The following PLXNA4 variants were observed in gnomAD, a reference collection of about 807,000 sequenced individuals.
PLXNA4 encodes the protein plexin A4, also known as plexin-A4.
PLXNA4 carries 44 observed loss-of-function variants against 191.8 expected under a neutral mutation model. That is an observed-to-expected ratio of 0.23 (90% CI 0.18 to 0.29). PLXNA4 has a LOEUF of 0.29. Ranked by LOEUF, PLXNA4 falls within the 10% of genes least tolerant of loss-of-function variation. The pLI, the probability that PLXNA4 is intolerant of heterozygous loss-of-function variation, is 1.00. For missense variants in PLXNA4, 1,800 were observed against 2,488.8 expected, an observed-to-expected ratio of 0.72 and a Z score of 5.89; for synonymous variants, 1,082 against 1,009.5, an observed-to-expected ratio of 1.07 and a Z score of -1.36.
chr7:132,590,016 G>A (rs570779329), intron 2 of PLXNA4, among the ~76,000 whole-genome samples: 58 of 152,364 alleles, frequency 3.8e-4, no homozygotes, highest in Non-Finnish European at 7.8e-4. Context: ...AAAGAACCAT[G>A]AAAGGGTCAA....
At chr7:132,191,744 C>G (rs1797093325) in intron 14 of PLXNA4, among the ~76,000 whole-genome samples, 1 of 146,398 alleles carries the variant, frequency 6.8e-6, no homozygotes, top group Admixed American at 6.8e-5. Flanking sequence ...TTAGCAAATA[C>G]CTGGCGAATG....
At chr7:132,614,451 A>G (rs1185003131) in intron 2 of PLXNA4, among the ~76,000 whole-genome samples, 2 of 152,258 alleles carry the variant, frequency 1.3e-5, no homozygotes, top group African/African-American at 4.8e-5. Context: ...TGCAGCAGAC[A>G]GCGGGTGAAC....
intron 29 of PLXNA4, 36 bp from the exon 30 acceptor site, chr7:132,140,847 C>CGGGGCAGT: frequency 6.2e-7 from 1 of 1,610,622 alleles, no homozygotes. Context: ...TCAGGAAAGA[C>CGGGGCAGT]GGGGCAGTGG....
chr7:132,389,988 C>A (rs1197954241), intron 3 of PLXNA4, among the ~76,000 whole-genome samples: 1 of 152,100 alleles, frequency 6.6e-6, no homozygotes, highest in Non-Finnish European at 1.5e-5. Flanking sequence ...ATTAGTTCAA[C>A]CATTGTGAAA....
At chr7:132,138,850 G>A (rs1390343187) in intron 30 of PLXNA4, among the ~76,000 whole-genome samples, 10 of 152,346 alleles carry the variant, frequency 6.6e-5, no homozygotes, top group African/African-American at 2.4e-4. Flanking sequence ...CTGTTCCTGG[G>A]AAGTGTCCTT....
chr7:132,410,973 G>C lies in PLXNA4; in HGVS notation c.1371+78319C>G, dbSNP rs574441641. Among the ~76,000 whole-genome samples the C allele has an allele frequency of 2.2e-4, 34 of 152,270 alleles. No homozygotes were observed. The South Asian group carries it at 6.8e-3, about 31-fold the overall frequency. Reference sequence around the variant, plus strand: ...TCCTCAGTAGCATCTTTTAGAAAAAGTTCTGGTGCTTTGGCCATCATCCCG... The same window carrying C: ...TCCTCAGTAGCATCTTTTAGAAAAACTTCTGGTGCTTTGGCCATCATCCCG... On this transcript the variant is annotated intron_variant, in intron 3 of 31. Transcript: ENST00000321063.
intron 3 of PLXNA4, among the ~76,000 whole-genome samples, chr7:132,321,264 T>C (rs1277063361): frequency 6.6e-6 from 1 of 152,164 alleles, no homozygotes. Flanking sequence ...CAAACTGTTA[T>C]TTTTCTGTCT....
rs1340160897 is a variant in PLXNA4, at chr7:132,497,808, A to G, written c.1189-8334T>C. 3.9e-5 allele frequency among the ~76,000 whole-genome samples: 6 copies of G among 152,260 alleles called. No individual in the cohort carries two copies. The East Asian group carries it at 1.2e-3, about 29-fold the overall frequency. ...CCTGGTTGTGAGCACAGGCCATGGA[A>G]ACAATGCTGGAGTGAGGGCTCATAC... On this transcript the variant is annotated intron_variant, in intron 2 of 31. Coordinates refer to ENST00000321063, the MANE Select transcript of PLXNA4 (RefSeq NM_020911.2).
At chr7:132,293,978 T>C (rs1302657613) in intron 4 of PLXNA4, among the ~76,000 whole-genome samples, 1 of 152,232 alleles carries the variant, frequency 6.6e-6, no homozygotes, top group Non-Finnish European at 1.5e-5. Flanking sequence ...TCAGTGCTGT[T>C]CTAGGGGTAA....
At chr7:132,622,150 G>A (rs575733297) in intron 2 of PLXNA4, among the ~76,000 whole-genome samples, 4 of 152,116 alleles carry the variant, frequency 2.6e-5, no homozygotes, top group African/African-American at 4.8e-5. Context: ...AAAACCTTCC[G>A]CACACAATCT....
chr7:132,200,282 C>T (rs377088609), intron 12 of PLXNA4, among the ~76,000 whole-genome samples: 135 of 152,288 alleles, frequency 8.9e-4, no homozygotes, highest in African/African-American at 3.1e-3. Flanking sequence ...GCACCAGACA[C>T]ACTGCCATGC....
intron 3 of PLXNA4, among the ~76,000 whole-genome samples, chr7:132,424,981 G>A (rs747062797): frequency 3.9e-5 from 6 of 152,094 alleles, no homozygotes; most frequent in Non-Finnish European, 7.4e-5. Flanking sequence ...TGGGTGAGCC[G>A]CTCACTGCCC....
intron 3 of PLXNA4, among the ~76,000 whole-genome samples, chr7:132,463,910 G>A (rs541494041): frequency 3.3e-5 from 5 of 152,156 alleles, no homozygotes; most frequent in Admixed American, 1.3e-4. Flanking sequence ...TAGCCACAGA[G>A]CAGAGGCCCA....
At chr7:132,520,927 A>C (rs1056460887) in intron 1 of PLXNA4, among the ~76,000 whole-genome samples, 1 of 151,934 alleles carries the variant, frequency 6.6e-6, no homozygotes, top group East Asian at 1.9e-4. Context: ...GTTGTCACCA[A>C]CATCTAGTGG....
At chr7:132,356,319 A>G (rs1161312498) in intron 3 of PLXNA4, among the ~76,000 whole-genome samples, 1 of 152,254 alleles carries the variant, frequency 6.6e-6, no homozygotes, top group Non-Finnish European at 1.5e-5. Flanking sequence ...AATCAGCAGC[A>G]TTAATAATGT....
chr7:132,347,583 G>A (rs1056738759), intron 3 of PLXNA4, among the ~76,000 whole-genome samples: 1 of 152,182 alleles, frequency 6.6e-6, no homozygotes, highest in Non-Finnish European at 1.5e-5. Context: ...AAAATCGTTT[G>A]GTAGGAAATG....
intron 3 of PLXNA4, among the ~76,000 whole-genome samples, chr7:132,329,821 A>G (rs932787436): frequency 2.0e-5 from 3 of 152,136 alleles, no homozygotes; most frequent in Non-Finnish European, 4.4e-5. Context: ...CTGCCACTGA[A>G]TCTTTATCTG....
chr7:132,327,992 C>A (rs902436710), intron 3 of PLXNA4, among the ~76,000 whole-genome samples: 2 of 152,180 alleles, frequency 1.3e-5, no homozygotes, highest in African/African-American at 4.8e-5. Context: ...AGGAAACCAG[C>A]GGCAGGGTGC....
At chr7:132,467,757 GTCTT>G (rs777278009) in intron 3 of PLXNA4, among the ~76,000 whole-genome samples, 1 of 152,160 alleles carries the variant, frequency 6.6e-6, no homozygotes, top group Non-Finnish European at 1.5e-5. Context: ...AGTTGTTTCG[GTCTT>G]TCTAATACTT....
Sources: allele counts gnomAD v4.1 joint callset (sites outside exome capture counted in the v4.1 genomes callset), GRCh38; gene constraint gnomAD v4.1.1; transcripts MANE v1.5; gene names NCBI Gene and HGNC (gene_info 2026-07-23, HGNC 2026-07-21).